The following MPHOSPH10 variants were observed in gnomAD, a reference collection of about 807,000 sequenced individuals.
MPHOSPH10 encodes M-phase phosphoprotein 10.
A neutral mutation model predicts 77.3 loss-of-function variants in MPHOSPH10; 33 were observed. That is an observed-to-expected ratio of 0.43 (90% confidence interval 0.32 to 0.57). The LOEUF is 0.57. Among genes scored for constraint, MPHOSPH10 ranks in the 20% least tolerant of loss-of-function variants. MPHOSPH10 has a pLI of 0.07. For missense variants in MPHOSPH10, 708 were observed against 780.1 expected, an observed-to-expected ratio of 0.91 and a Z score of 1.10; for synonymous variants, 245 against 268.0, an observed-to-expected ratio of 0.91 and a Z score of 0.84.
At chr2:71,131,405 G>A (rs569323130) in intron 1 of MPHOSPH10, among the ~76,000 whole-genome samples, 2 of 152,278 alleles carry the variant, frequency 1.3e-5, no homozygotes, top group Admixed American at 1.3e-4. Flanking sequence ...CAAATTCACT[G>A]CGTCCAAAAT....
chr2:71,140,520 C>T (rs1324598993), intron 6 of MPHOSPH10, among the ~76,000 whole-genome samples: 3 of 152,174 alleles, frequency 2.0e-5, no homozygotes, highest in African/African-American at 7.2e-5. Flanking sequence ...TAGAAGGCCC[C>T]ACATCTGAGT....
At chr2:71,140,139 A>T (rs1034109543) in intron 6 of MPHOSPH10, among the ~76,000 whole-genome samples, 6 of 152,142 alleles carry the variant, frequency 3.9e-5, no homozygotes, top group Non-Finnish European at 7.4e-5. Flanking sequence ...CTGGTGGCTG[A>T]CCTGTGATGG....
intron 7 of MPHOSPH10, among the ~76,000 whole-genome samples, chr2:71,143,727 A>G (rs1673655719): frequency 6.6e-6 from 1 of 152,112 alleles, no homozygotes. Flanking sequence ...GTGGCCTTCC[A>G]TTTCTGACCT....
At position 71,134,671 on chromosome 2, in the gene MPHOSPH10, T is replaced by A. The variant is rs1471400556; in HGVS notation, c.972T>A (p.His324Gln). 1 of 1,611,398 alleles carries A rather than the reference T, an allele frequency of 6.2e-7. No individual in the cohort carries two copies. The highest frequency in any genetic ancestry group is 1.1e-5 in the South Asian group (1 of 90,424). Residue 324 changes from histidine (H) to glutamine (Q), a missense_variant, in exon 4 of 11, where the codon CAT (histidine) becomes CAA (glutamine). Physicochemically the swap from His to Gln is conservative, Grantham distance 24. Around this residue, in one of 3 missense-constraint regions of MPHOSPH10, gnomAD observed 433 missense variants for 432.6 expected, o/e 1.00. Transcript: ENST00000244230. ...AAGAAAATGAAGACAATAAACAACA[T>A]AAAGAAAGCTTGAAAAGAGTGACCT... The part of the protein sequence containing the change: ...DLQENEDNKQ[H>Q]KESLKRVTFA...
chr2:71,143,438 A>G (rs1231952762), intron 7 of MPHOSPH10, among the ~76,000 whole-genome samples: 1 of 152,078 alleles, frequency 6.6e-6, no homozygotes, highest in Non-Finnish European at 1.5e-5. Flanking sequence ...GCCAGCCACC[A>G]TGCTGGGCCA....
At chr2:71,136,848 C>CTTTTTTTTTTTTTTTTT in intron 4 of MPHOSPH10, among the ~76,000 whole-genome samples, 1 of 118,644 alleles carries the variant, frequency 8.4e-6, no homozygotes, top group Non-Finnish European at 1.7e-5. Flanking sequence ...AACTTTCAAC[C>CTTTTTTTTTTTTTTTTT]TTTTTTTTTT....
chr2:71,134,836 T>C (rs762563934), intron 4 of MPHOSPH10, 39 bp downstream of exon 4: 2 of 1,420,074 alleles, frequency 1.4e-6, no homozygotes, highest in Non-Finnish European at 1.9e-6. Flanking sequence ...ATACTTGATA[T>C]TAACCATCCT....
intron 10 of MPHOSPH10, 81 bp from the exon 11 acceptor site, chr2:71,149,785 G>A (rs1673788784): frequency 8.4e-7 from 1 of 1,189,522 alleles, no homozygotes; most frequent in Non-Finnish European, 1.2e-6. Flanking sequence ...ATACATTGTT[G>A]TAATGGTGAT....
At chr2:71,146,988 C>G (rs1190561415) in intron 8 of MPHOSPH10, among the ~76,000 whole-genome samples, 1 of 152,222 alleles carries the variant, frequency 6.6e-6, no homozygotes, top group Non-Finnish European at 1.5e-5. Flanking sequence ...AGACAAAAAT[C>G]TGAAGCAGAT....
At chr2:71,131,381 A>T (rs1673375616) in intron 1 of MPHOSPH10, among the ~76,000 whole-genome samples, 1 of 152,206 alleles carries the variant, frequency 6.6e-6, no homozygotes, top group South Asian at 2.1e-4. Flanking sequence ...AAATTTTGGT[A>T]CTGTCAAGCA....
intron 1 of MPHOSPH10, among the ~76,000 whole-genome samples, chr2:71,132,300 A>C (rs905366525): frequency 6.6e-6 from 1 of 152,158 alleles, no homozygotes; most frequent in Non-Finnish European, 1.5e-5. Flanking sequence ...TACACTTTAA[A>C]TGACAAATTC....
chr2:71,143,275 G>A (rs561497699), intron 7 of MPHOSPH10, among the ~76,000 whole-genome samples: 1 of 151,686 alleles, frequency 6.6e-6, no homozygotes, highest in East Asian at 1.9e-4. Flanking sequence ...CTGAGTAACA[G>A]GCACATGCCA....
intron 7 of MPHOSPH10, among the ~76,000 whole-genome samples, chr2:71,143,891 A>G (rs1324596999): frequency 6.6e-6 from 1 of 152,230 alleles, no homozygotes; most frequent in East Asian, 1.9e-4. Context: ...GACTGTTAAT[A>G]GTGCCATGTA....
intron 8 of MPHOSPH10, among the ~76,000 whole-genome samples, chr2:71,145,774 C>T (rs1489034967): frequency 6.6e-6 from 1 of 152,158 alleles, no homozygotes; most frequent in Non-Finnish European, 1.5e-5. Context: ...ACCCCCACCC[C>T]CACTGATCTT....
In MPHOSPH10 at chr2:71,134,099, C is replaced by T. The variant is rs570909234; in HGVS notation, c.920C>T (p.Ser307Leu). ...GAAGAAGCAGAAGAACTAAGTATTT[C>T]GGAAACGTGAGTATTTTGAACCATC... The part of the protein sequence containing the change: ...AEEEAEELSI[S>L]ETDEDDDLQE... Residue 307 changes from serine (S) to leucine (L), a missense_variant, in exon 3 of 11, where the codon TCG becomes TTG. Ser to Leu is a moderately radical substitution (Grantham distance 145). Around this residue, in one of 3 missense-constraint regions of MPHOSPH10, gnomAD observed 433 missense variants for 432.6 expected, o/e 1.00. Coordinates refer to ENST00000244230, the MANE Select transcript of MPHOSPH10 (RefSeq NM_005791.3). The T allele has an allele frequency of 1.7e-5, 28 of 1,603,946 alleles. No homozygotes were observed. The highest frequency in any genetic ancestry group is 1.1e-4 in the South Asian group (10 of 88,764).
rs1344645196 is a variant in MPHOSPH10 at position 71,132,929 on chromosome 2, T to C, written c.121T>C (p.Ser41Pro). ...AGAGGGATTGGCATCAAAGTTCACT[T>C]CTTTAACAAAAGTGCTTTATGACTT... is the stretch of plus-strand genomic sequence containing the variant. ...IQEGLASKFT[S>P]LTKVLYDFNK... The change falls in exon 2 of 11, where the codon TCT becomes CCT. Residue 41 changes from serine (S) to proline (P), a missense_variant. By Grantham distance (74) the Ser-to-Pro change is moderately conservative. Coordinates refer to ENST00000244230, the MANE Select transcript of MPHOSPH10 (RefSeq NM_005791.3). 6.2e-7 allele frequency: 1 copy of C among 1,611,288 alleles called. No homozygotes were observed. The highest frequency in any genetic ancestry group is 8.5e-7 in the Non-Finnish European group (1 of 1,178,334).
Position 71,142,840 on chromosome 2 carries a change from C to T in MPHOSPH10, c.1446+1471C>T, listed in dbSNP as rs140958271. ...CATCTCTGTCATCAGGATCAGGAGGCAAAGAGCCTATCGTTTCCTAGTTCT... is the reference window on the plus strand; with the variant it reads ...CATCTCTGTCATCAGGATCAGGAGGTAAAGAGCCTATCGTTTCCTAGTTCT... On this transcript the variant is annotated intron_variant, in intron 7 of 10. Transcript: ENST00000244230. Among the ~76,000 whole-genome samples, 188 of 152,238 alleles carry T rather than the reference C, an allele frequency of 1.2e-3. 1 individual carries two copies. Among genetic ancestry groups the T allele is most frequent in the African/African-American group, 4.1e-3 (172 of 41,546 alleles).
intron 3 of MPHOSPH10, 140 bp downstream of exon 3, chr2:71,134,245 C>T: frequency 2.3e-6 from 2 of 856,238 alleles, no homozygotes; most frequent in South Asian, 2.5e-5. Context: ...AGAGGAAAGT[C>T]TCTGACTGTA....
intron 4 of MPHOSPH10, among the ~76,000 whole-genome samples, chr2:71,137,953 C>T (rs34740289): frequency 0.17 from 26,158 of 151,932 alleles, 2,338 homozygotes; most frequent in South Asian, 0.21. Context: ...ATTAGCCGGG[C>T]GTGGTGGCAC....
Sources: gnomAD v4.1 joint callset for allele counts (sites outside exome capture counted in the v4.1 genomes callset) on GRCh38, gnomAD v4.1.1 for gene constraint, gnomAD v4.1.1 regional missense constraint, MANE v1.5 for transcripts, NCBI Gene and HGNC (gene_info 2026-07-23, HGNC 2026-07-21) for gene names.